The following CAPN3 variants were observed in gnomAD, a reference collection of about 807,000 sequenced individuals.
The protein encoded by CAPN3 is calpain-3.
Under a neutral mutation model 114.0 loss-of-function variants are expected in CAPN3, and 88 were observed. The ratio of observed to expected loss-of-function variants is 0.77; its 90% CI spans 0.65 to 0.92. The LOEUF is 0.92. CAPN3 is among the 40% of genes least tolerant of loss of function. CAPN3 has a pLI of 0.00. For synonymous variants in CAPN3, 386 were observed against 382.9 expected (o/e 1.01, Z -0.09); for missense variants, 1,028 against 1,069.0 (o/e 0.96, Z 0.53).
At chr15:42,404,715 G>A in intron 14 of CAPN3, 2 of 1,164,672 alleles carry the variant, frequency 1.7e-6, no homozygotes, top group Non-Finnish European at 2.2e-6. Context: ...CTGTGGGGAT[G>A]ACGTAGGCCA....
At chr15:42,388,783 T>C (rs2053472621) in intron 4 of CAPN3, 145 bp from the exon 5 acceptor site, 8 of 788,530 alleles carry the variant, frequency 1.0e-5, no homozygotes, top group Non-Finnish European at 1.1e-5. Context: ...AATCATTGTT[T>C]CCATCCCATG....
chr15:42,374,986 A>AATTT (rs71431847), intron 1 of CAPN3, among the ~76,000 whole-genome samples: 23,596 of 133,848 alleles, frequency 0.18, 2,605 homozygotes, highest in Non-Finnish European at 0.24. Context: ...TTTAAATAAA[A>AATTT]ATTTATTTAT....
At chr15:42,406,651 G>A (rs898069227) in intron 15 of CAPN3, among the ~76,000 whole-genome samples, 1 of 152,154 alleles carries the variant, frequency 6.6e-6, no homozygotes, top group African/African-American at 2.4e-5. Flanking sequence ...AACCATGTCT[G>A]TTTACTCCAA....
intron 1 of CAPN3, among the ~76,000 whole-genome samples, chr15:42,366,678 G>C (rs2052784788): frequency 6.6e-6 from 1 of 151,982 alleles, no homozygotes; most frequent in Admixed American, 6.6e-5. Flanking sequence ...AGGAAGAAAA[G>C]AAAGAAAAAC....
chr15:42,378,240 GC>G (rs1380163405), intron 1 of CAPN3, among the ~76,000 whole-genome samples: 3 of 152,204 alleles, frequency 2.0e-5, no homozygotes, highest in Non-Finnish European at 4.4e-5. Flanking sequence ...TAATCTGGTT[GC>G]CCCCACCCCG....
In CAPN3 at chr15:42,412,048, C is replaced by T. The variant is rs111952947; in HGVS notation, c.*275C>T. 91 of 1,522,742 alleles carry T rather than the reference C, an allele frequency of 6.0e-5. No homozygotes were observed. Among genetic ancestry groups the T allele is most frequent in the African/African-American group, 2.7e-4 (20 of 72,770 alleles). The allele number at this position is 1,522,742 out of a possible 1,614,324, so 94.3% of individuals were successfully genotyped here. Reference sequence around the variant, plus strand: ...TGCCTGCCTCTGGTCCGAGCCGCCTCGGTTCTGAAGCGAGTGCTCCTGCTT... The same window carrying T: ...TGCCTGCCTCTGGTCCGAGCCGCCTTGGTTCTGAAGCGAGTGCTCCTGCTT... On this transcript the variant is annotated 3_prime_UTR_variant, in exon 24 of 24. Transcript: ENST00000397163.
intron 11 of CAPN3, 63 bp downstream of exon 11, chr15:42,401,873 G>A (rs1156699556): frequency 6.5e-7 from 1 of 1,541,520 alleles, no homozygotes; most frequent in Non-Finnish European, 8.8e-7. Flanking sequence ...CGCTTCCAGG[G>A]GCTTCTAGAG....
chr15:42,379,181 A>C (rs2053172260), intron 1 of CAPN3, among the ~76,000 whole-genome samples: 1 of 152,066 alleles, frequency 6.6e-6, no homozygotes, highest in African/African-American at 2.4e-5. Context: ...GCATGGTGGC[A>C]TGCATCTGTA....
intron 1 of CAPN3, among the ~76,000 whole-genome samples, chr15:42,380,195 T>C (rs1441470140): frequency 2.6e-5 from 4 of 152,186 alleles, no homozygotes; most frequent in African/African-American, 9.6e-5. Context: ...TTGGTGTATT[T>C]TGATCATTCA....
rs2052656925 is a variant in CAPN3, at chr15:42,362,000, C to T, written c.309+1886C>T. On this transcript the variant is annotated intron_variant, in intron 1 of 23. Transcript: ENST00000397163. ...CTGTTCATCTTTGAGGCCCCCTCAC[C>T]AAGCTCAGGCCAGTCCCATAGTGGG... Among the ~76,000 whole-genome samples, 2 of 152,238 alleles carry T rather than the reference C, an allele frequency of 1.3e-5. 1 individual carries two copies. The highest frequency in any genetic ancestry group is 4.1e-4 in the South Asian group (2 of 4,834).
At position 42,412,196 on chromosome 15, in the gene CAPN3, C is replaced by G; in HGVS notation, c.*423C>G. ...CCAGGAACCAAACCAGCACTGGGTT[C>G]TACTGCTGTGGGGTAAACTAACTCA... On this transcript the variant is annotated 3_prime_UTR_variant, in exon 24 of 24. Transcript: ENST00000397163. The G allele has an allele frequency of 6.5e-7, 1 of 1,535,944 alleles. No individual in the cohort carries two copies. Among genetic ancestry groups the G allele is most frequent in the East Asian group, 2.4e-5 (1 of 40,920 alleles).
At chr15:42,380,751 A>T (rs866451862) in intron 1 of CAPN3, among the ~76,000 whole-genome samples, 1,880 of 64,678 alleles carry the variant, frequency 0.029, 103 homozygotes, top group South Asian at 0.044. Context: ...ATATATATAT[A>T]TTTTTTTTTT....
intron 6 of CAPN3, among the ~76,000 whole-genome samples, chr15:42,391,242 G>A (rs185009340): frequency 6.6e-6 from 1 of 151,434 alleles, no homozygotes; most frequent in Non-Finnish European, 1.5e-5. Flanking sequence ...GTTTTGTTTT[G>A]TTTTGCTACT....
At chr15:42,402,732 G>A (rs889756782) in intron 12 of CAPN3, 62 bp from the exon 13 acceptor site, 11 of 1,586,544 alleles carry the variant, frequency 6.9e-6, no homozygotes, top group Non-Finnish European at 9.5e-6. Flanking sequence ...GGAGGTGGCT[G>A]TGGCAGGACA....
chr15:42,389,495 C>T (rs28364420), intron 5 of CAPN3, among the ~76,000 whole-genome samples: 74 of 152,296 alleles, frequency 4.9e-4, no homozygotes, highest in Admixed American at 1.1e-3. Flanking sequence ...CCGCTTGAGA[C>T]GTGGGCTTTG....
intron 10 of CAPN3, among the ~76,000 whole-genome samples, chr15:42,400,504 G>A (rs2053832809): frequency 1.3e-5 from 2 of 152,152 alleles, no homozygotes; most frequent in South Asian, 4.2e-4. Flanking sequence ...GCAGAGCCAG[G>A]AGGATCACTT....
intron 9 of CAPN3, among the ~76,000 whole-genome samples, chr15:42,398,664 C>T (rs1285765369): frequency 7.1e-6 from 1 of 141,384 alleles, no homozygotes; most frequent in Non-Finnish European, 1.5e-5. Context: ...TATACACACA[C>T]ATATACACAC....
At position 42,380,606 on chromosome 15, in the gene CAPN3, T is replaced by C. The variant is rs373532998; in HGVS notation, c.310-3877T>C. Among the ~76,000 whole-genome samples, 57 of 134,054 alleles carry C rather than the reference T, an allele frequency of 4.3e-4. 1 individual carries two copies. The East Asian group carries it at 0.011, about 25-fold the overall frequency. The allele number at this position is 134,054 out of a possible 152,430, so 87.9% of individuals were successfully genotyped here. On this transcript the variant is annotated intron_variant, in intron 1 of 23. Coordinates refer to ENST00000397163, the MANE Select transcript of CAPN3 (RefSeq NM_000070.3). Reference sequence around the variant, plus strand: ...GTGTGTATGTATATATATGTATGTGTATATATATATGTATGTATATGTGTG... The same window carrying C: ...GTGTGTATGTATATATATGTATGTGCATATATATATGTATGTATATGTGTG...
chr15:42,405,990 G>GT (rs1159553864), intron 15 of CAPN3, 47 bp downstream of exon 15: 1 of 1,499,398 alleles, frequency 6.7e-7, no homozygotes, highest in Admixed American at 1.7e-5. Context: ...TCATGCATAT[G>GT]TATGTGCATG....
Sources: allele counts gnomAD v4.1 joint callset (sites outside exome capture counted in the v4.1 genomes callset), GRCh38; gene constraint gnomAD v4.1.1; transcripts MANE v1.5; gene names NCBI Gene and HGNC (gene_info 2026-07-23, HGNC 2026-07-21).